BIRC7: variants seen among roughly 807,000 people sequenced by gnomAD.
The protein encoded by BIRC7 is baculoviral IAP repeat containing 7.
A neutral mutation model predicts 33.2 loss-of-function variants in BIRC7; 26 were observed. The ratio of observed to expected loss-of-function variants is 0.78; its 90% CI spans 0.57 to 1.09. The LOEUF is 1.09. Ranked by LOEUF, BIRC7 falls within the 50% of genes least tolerant of loss-of-function variation. The probability of loss-of-function intolerance (pLI) is 0.00; values close to 1 mark genes in which losing one functional copy is unlikely to be tolerated. For synonymous variants in BIRC7, 176 were observed against 171.0 expected, an observed-to-expected ratio of 1.03 and a Z score of -0.23; for missense variants, 409 against 401.2, an observed-to-expected ratio of 1.02 and a Z score of -0.17.
chr20:63,238,140 GC>G, intron 2 of BIRC7, 138 bp downstream of exon 2: 1 of 940,758 alleles, frequency 1.1e-6, no homozygotes, highest in East Asian at 2.7e-5. Flanking sequence ...TGTGGGAGGT[GC>G]TTCTGGCCGG....
At chr20:63,239,774 C>T (rs2066722484) in intron 6 of BIRC7, among the ~76,000 whole-genome samples, 164 bp downstream of exon 6, 1 of 152,230 alleles carries the variant, frequency 6.6e-6, no homozygotes, top group African/African-American at 2.4e-5. Context: ...AATCTTACTA[C>T]CTCCCTTGAC....
intron 1 of BIRC7, among the ~76,000 whole-genome samples, chr20:63,237,187 G>A (rs549668937): frequency 2.6e-5 from 4 of 152,188 alleles, no homozygotes; most frequent in Non-Finnish European, 5.9e-5. Context: ...ACAGCTGGTC[G>A]GGGGGACAGT....
chr20:63,237,624 C>CA (rs2066699023), intron 1 of BIRC7, among the ~76,000 whole-genome samples: 1 of 152,092 alleles, frequency 6.6e-6, no homozygotes, highest in Non-Finnish European at 1.5e-5. Context: ...GGGGGGCCCC[C>CA]ACTGCTCACT....
chr20:63,236,846 C>T (rs1046306366), intron 1 of BIRC7, among the ~76,000 whole-genome samples: 1 of 152,230 alleles, frequency 6.6e-6, no homozygotes, highest in African/African-American at 2.4e-5. Flanking sequence ...ATCAGGGTGA[C>T]CAAGGCAGGC....
Position 63,237,230 on chromosome 20 carries a change from G to A in BIRC7, c.350-673G>A, listed in dbSNP as rs558733195. ...ACAGTCAGAAGCCGTGGCGTGAAGG[G>A]GCAGGCCCAGCTCACCCACCTCCCT... On this transcript the variant is annotated intron_variant, in intron 1 of 6. Transcript: ENST00000217169. Among the ~76,000 whole-genome samples the A allele has an allele frequency of 1.3e-4, 20 of 152,324 alleles. No individual in the cohort carries two copies. In the South Asian group the frequency reaches 3.5e-3, roughly 27 times the overall value.
In BIRC7 at chr20:63,239,748, G is replaced by A. The variant is rs941702775; in HGVS notation, c.*5+138G>A. 14 of 1,223,232 alleles carry A rather than the reference G, an allele frequency of 1.1e-5. No individual in the cohort carries two copies. In the African/African-American group the frequency reaches 1.4e-4, roughly 12 times the overall value. 75.8% of individuals were successfully genotyped at this position (1,223,232 alleles called of 1,614,324 possible). A position where few individuals can be genotyped will look rare whatever the true frequency, so the allele number is the denominator to read the frequency against. The stretch of plus-strand genomic sequence containing the variant: ...TGTTTTTACCCGGCTCCCAGGTCCC[G>A]CTGATAGCGCCCATCAATCTTACTA... On this transcript the variant is annotated intron_variant, in intron 6 of 6. Coordinates refer to ENST00000217169, the MANE Select transcript of BIRC7 (RefSeq NM_139317.3).
rs375365000 is a variant in BIRC7 at position 63,238,497 on chromosome 20, G to T, written c.531+20G>T. 1.2e-6 allele frequency: 2 copies of T among 1,612,926 alleles called. No homozygotes were observed. The highest frequency in any genetic ancestry group is 4.5e-5 in the East Asian group (2 of 44,882). On this transcript the variant is annotated intron_variant, in intron 3 of 6. Coordinates refer to ENST00000217169, the MANE Select transcript of BIRC7 (RefSeq NM_139317.3). ...TCCTGGGTGAGCGCCACCTCTCCTC[G>T]GGGCTCCGGGTGGCAGTGGGGTCCT...
At chr20:63,239,278 G>T (rs756265998) in intron 5 of BIRC7, 45 bp downstream of exon 5, 1 of 1,609,422 alleles carries the variant, frequency 6.2e-7, no homozygotes, top group South Asian at 1.1e-5. Context: ...GCAGGGGAGG[G>T]CTGAGGGACC....
In BIRC7 at chr20:63,235,960, G is replaced by T. The variant is rs1198529745; in HGVS notation, c.-137G>T. The T allele has an allele frequency of 8.9e-7, 1 of 1,129,834 alleles. No individual in the cohort carries two copies. Among genetic ancestry groups the T allele is most frequent in the Non-Finnish European group, 1.2e-6 (1 of 820,580 alleles). 70.0% of individuals were successfully genotyped at this position (1,129,834 alleles called of 1,614,324 possible). ...TCCCCTCCCAGGGTGTCTGGTGGCAGGCCTGTGCCTATCCCTGCTGTCCCC... is the reference window on the plus strand; with the variant it reads ...TCCCCTCCCAGGGTGTCTGGTGGCATGCCTGTGCCTATCCCTGCTGTCCCC... On this transcript the variant is annotated 5_prime_UTR_variant, in exon 1 of 7. It adds an upstream start codon to the 5' untranslated region. Transcript: ENST00000217169.
intron 1 of BIRC7, among the ~76,000 whole-genome samples, chr20:63,237,464 G>A (rs1190728848): frequency 6.6e-6 from 1 of 152,128 alleles, no homozygotes; most frequent in Admixed American, 6.5e-5. Flanking sequence ...AGGGAGGCAT[G>A]AGTTCCTAAA....
Position 63,236,019 on chromosome 20 carries a change from G to C in BIRC7, c.-78G>C. 4 of 1,454,796 alleles carry C rather than the reference G, an allele frequency of 2.7e-6. No individual in the cohort carries two copies. Among genetic ancestry groups the C allele is most frequent in the Non-Finnish European group, 3.7e-6 (4 of 1,091,260 alleles). 90.1% of individuals were successfully genotyped at this position (1,454,796 alleles called of 1,614,324 possible). A position where few individuals can be genotyped will look rare whatever the true frequency, so the allele number is the denominator to read the frequency against. ...CCCCGGGGGTCAGGAGCTCCAGAAG[G>C]GCCAGCTGGGCATATTCTGAGATTG... On this transcript the variant is annotated 5_prime_UTR_variant, in exon 1 of 7. Transcript: ENST00000217169.
intron 4 of BIRC7, 70 bp downstream of exon 4, chr20:63,238,684 T>C: frequency 6.4e-7 from 1 of 1,569,020 alleles, no homozygotes; most frequent in Admixed American, 1.7e-5. Context: ...GGCCACTGGG[T>C]GTCCCCACCC....
intron 4 of BIRC7, 108 bp from the exon 5 acceptor site, chr20:63,239,054 C>A: frequency 8.8e-7 from 1 of 1,141,292 alleles, no homozygotes; most frequent in African/African-American, 1.5e-5. Flanking sequence ...CTCTGCAGCC[C>A]CTCCACTCCC....
chr20:63,239,254 G>GC (rs869203806), intron 5 of BIRC7, 21 bp downstream of exon 5: 14 of 1,481,500 alleles, frequency 9.4e-6, no homozygotes, highest in Non-Finnish European at 1.2e-5. Flanking sequence ...GGGACCCCCT[G>GC]GGTGAGGGCT....
At chr20:63,238,699 A>T in intron 4 of BIRC7, 85 bp downstream of exon 4, 1 of 1,527,880 alleles carries the variant, frequency 6.5e-7, no homozygotes, top group Non-Finnish European at 9.0e-7. Flanking sequence ...CCACCCTCCC[A>T]GACAGCAGGG....
Position 63,235,990 on chromosome 20 carries a change from T to G in BIRC7, c.-107T>G. 1 of 1,355,588 alleles carries G rather than the reference T, an allele frequency of 7.4e-7. No homozygotes were observed. The allele number at this position is 1,355,588 out of a possible 1,614,324, so 84.0% of individuals were successfully genotyped here. ...GTGCCTATCCCTGCTGTCCCCAGGGTGGGCCCCGGGGGTCAGGAGCTCCAG... is the reference window on the plus strand; with the variant it reads ...GTGCCTATCCCTGCTGTCCCCAGGGGGGGCCCCGGGGGTCAGGAGCTCCAG... On this transcript the variant is annotated 5_prime_UTR_variant, in exon 1 of 7. Transcript: ENST00000217169.
chr20:63,236,120 G>C lies in BIRC7; in HGVS notation c.24G>C (p.Lys8Asn). 1 of 1,572,218 alleles carries C rather than the reference G, an allele frequency of 6.4e-7. No individual in the cohort carries two copies. Among genetic ancestry groups the C allele is most frequent in the South Asian group, 1.2e-5 (1 of 86,902 alleles). Reference protein sequence around the residue: MGPKDSAKCLHRGPQPSH... With the variant: MGPKDSANCLHRGPQPSH... ...CCATGGGACCTAAAGACAGTGCCAAGTGCCTGCACCGTGGACCACAGCCGA... is the reference window on the plus strand; with the variant it reads ...CCATGGGACCTAAAGACAGTGCCAACTGCCTGCACCGTGGACCACAGCCGA... The change falls in exon 1 of 7, where the codon AAG becomes AAC. Residue 8 changes from lysine to asparagine, a missense_variant. Lys to Asn is a moderately conservative substitution (Grantham distance 94, BLOSUM62 0). Transcript: ENST00000217169.
chr20:63,236,496 G>C (rs1304127700), intron 1 of BIRC7, 51 bp downstream of exon 1: 3 of 1,494,296 alleles, frequency 2.0e-6, no homozygotes, highest in African/African-American at 1.4e-5. Context: ...GCACGATTCT[G>C]GACCCTTCCA....
chr20:63,238,561 C>T lies in BIRC7; in HGVS notation c.532-8C>T. ...CCCCAAGGCCTGATGGTCTCTGGCT[C>T]CTTCCAGGACCCGTGGGAAGAACCG... On this transcript the variant is annotated splice_region_variant and splice_polypyrimidine_tract_variant and intron_variant, in intron 3 of 6. Coordinates refer to ENST00000217169, the MANE Select transcript of BIRC7 (RefSeq NM_139317.3). 6.2e-7 allele frequency: 1 copy of T among 1,613,168 alleles called. No individual in the cohort carries two copies. Among genetic ancestry groups the T allele is most frequent in the Non-Finnish European group, 8.5e-7 (1 of 1,179,982 alleles).
Sources: allele counts gnomAD v4.1 joint callset (sites outside exome capture counted in the v4.1 genomes callset), GRCh38; gene constraint gnomAD v4.1.1; transcripts MANE v1.5; gene names NCBI Gene and HGNC (gene_info 2026-07-23, HGNC 2026-07-21).